C12orf42: variants seen among roughly 807,000 people sequenced by gnomAD.
C12orf42 encodes the protein uncharacterized protein C12orf42.
A neutral mutation model predicts 21.6 loss-of-function variants in C12orf42; 25 were observed. The ratio of observed to expected loss-of-function variants is 1.16; its 90% CI spans 0.84 to 1.62. The LOEUF is 1.62. Ranked by LOEUF, C12orf42 falls within the 40% of genes most tolerant of loss-of-function variation. C12orf42 has a pLI of 0.00. For missense variants in C12orf42, 483 were observed against 459.3 expected (o/e 1.05, Z -0.47); for synonymous variants, 174 against 175.0 (o/e 0.99, Z 0.05).
chr12:103,191,543 C>CAAAAAAAAAAA, the C12orf42 span, among the ~76,000 whole-genome samples: 17 of 58,106 alleles, frequency 2.9e-4, no homozygotes, highest in East Asian at 5.6e-4. Context: ...CTCCACTCTA[C>CAAAAAAAAAAA]AAAAAAAAAA....
At chr12:103,134,433 G>A in the C12orf42 span, among the ~76,000 whole-genome samples, 3 of 151,916 alleles carry the variant, frequency 2.0e-5, no homozygotes, top group Non-Finnish European at 4.4e-5. Flanking sequence ...GGAACCAAGA[G>A]TCATTCTAGA....
At chr12:103,282,519 A>G (rs2036201146) in intron 4 of C12orf42, among the ~76,000 whole-genome samples, 1 of 152,164 alleles carries the variant, frequency 6.6e-6, no homozygotes, top group Non-Finnish European at 1.5e-5. Context: ...GAGCAATAGG[A>G]TATATCATAT....
the C12orf42 span, among the ~76,000 whole-genome samples, chr12:103,090,728 A>G: frequency 1.6e-4 from 25 of 152,258 alleles, no homozygotes; most frequent in East Asian, 4.6e-3. Context: ...CTACATTTCA[A>G]CCGGGAGTTG....
At chr12:103,067,396 C>A in the C12orf42 span, among the ~76,000 whole-genome samples, 1 of 152,170 alleles carries the variant, frequency 6.6e-6, no homozygotes, top group South Asian at 2.1e-4. Context: ...TCCCCATCAT[C>A]CTGAAGCAGC....
intron 1 of C12orf42, among the ~76,000 whole-genome samples, chr12:103,495,009 T>C (rs1408072730): frequency 1.3e-5 from 2 of 151,838 alleles, no homozygotes; most frequent in Non-Finnish European, 2.9e-5. Flanking sequence ...ATAAATAATA[T>C]GTCTACACAC....
rs1949976133 is a variant in C12orf42 at position 103,427,974 on chromosome 12, A to G, written c.79-26299T>C. Among the ~76,000 whole-genome samples the G allele has an allele frequency of 2.6e-5, 4 of 152,372 alleles. No individual in the cohort carries two copies. The South Asian group carries it at 8.3e-4, about 32-fold the overall frequency. On this transcript the variant is annotated intron_variant, in intron 2 of 5. Transcript: ENST00000548883. ...AGAATCTCTGGGACACAGCTAAAGC[A>G]GTGTTTAGAGGGAAATTTATAGCAC... is the stretch of plus-strand genomic sequence containing the variant.
the C12orf42 span, among the ~76,000 whole-genome samples, chr12:103,526,443 G>T: frequency 6.6e-6 from 1 of 152,128 alleles, no homozygotes; most frequent in East Asian, 1.9e-4. Flanking sequence ...GTAACTCAAG[G>T]GTTTGGGGTA....
At chr12:103,191,543 C>CAAAAAAAA in the C12orf42 span, among the ~76,000 whole-genome samples, 34 of 58,110 alleles carry the variant, frequency 5.9e-4, no homozygotes, top group Non-Finnish European at 6.6e-4. Context: ...CTCCACTCTA[C>CAAAAAAAA]AAAAAAAAAA....
At chr12:103,160,727 A>C in the C12orf42 span, among the ~76,000 whole-genome samples, 1 of 152,322 alleles carries the variant, frequency 6.6e-6, no homozygotes, top group African/African-American at 2.4e-5. Flanking sequence ...TAGACTTCAC[A>C]GATGATTTCC....
the C12orf42 span, among the ~76,000 whole-genome samples, chr12:103,207,691 C>T: frequency 2.0e-5 from 3 of 152,280 alleles, no homozygotes; most frequent in African/African-American, 7.2e-5. Context: ...TTTCTTGCCC[C>T]GACACCTGAA....
Position 103,415,287 on chromosome 12 carries a change from T to C in C12orf42, c.79-13612A>G, listed in dbSNP as rs372157325. Among the ~76,000 whole-genome samples, 36 of 152,276 alleles carry C rather than the reference T, an allele frequency of 2.4e-4. 1 individual carries two copies. Among genetic ancestry groups the C allele is most frequent in the African/African-American group, 8.4e-4 (35 of 41,568 alleles). On this transcript the variant is annotated intron_variant, in intron 2 of 5. Coordinates refer to ENST00000548883, the MANE Select transcript of C12orf42 (RefSeq NM_198521.5). ...CCCAGATTCATTAAACAAGTTCTTC[T>C]TGGCCTAAGAAATGACTTAGAAAAC...
intron 10 of C12orf42, among the ~76,000 whole-genome samples, chr12:103,255,880 T>C (rs1207462235): frequency 8.0e-5 from 12 of 149,292 alleles, no homozygotes; most frequent in African/African-American, 2.5e-4. Flanking sequence ...TGAAACCCCG[T>C]CTCTACTAAA....
At chr12:103,335,417 TA>T (rs766924147) in intron 4 of C12orf42, among the ~76,000 whole-genome samples, 3 of 152,202 alleles carry the variant, frequency 2.0e-5, no homozygotes, top group Non-Finnish European at 4.4e-5. Context: ...GAAGCCTTAA[TA>T]GGCAGATAAT....
chr12:103,429,046 TGAAAA>T (rs1950066892), intron 2 of C12orf42, among the ~76,000 whole-genome samples: 1 of 152,190 alleles, frequency 6.6e-6, no homozygotes, highest in Admixed American at 6.5e-5. Context: ...GCATTCCCTC[TGAAAA>T]CTGGCACAAG....
the C12orf42 span, among the ~76,000 whole-genome samples, chr12:103,059,929 G>A: frequency 4.6e-5 from 7 of 152,160 alleles, no homozygotes; most frequent in Admixed American, 6.6e-5. Flanking sequence ...ACAAGACAAC[G>A]ATGCCGTCTC....
chr12:103,160,603 T>C, the C12orf42 span, among the ~76,000 whole-genome samples: 3 of 152,182 alleles, frequency 2.0e-5, no homozygotes, highest in African/African-American at 7.2e-5. Flanking sequence ...AATTGCAGGC[T>C]GTCTATATTT....
chr12:103,147,503 C>CTTTTTTTTTTTTTTTTTTT, the C12orf42 span, among the ~76,000 whole-genome samples: 20 of 99,950 alleles, frequency 2.0e-4, no homozygotes, highest in Non-Finnish European at 2.5e-4. Context: ...CTTTTTTTTT[C>CTTTTTTTTTTTTTTTTTTT]TTTTTTTTTT....
chr12:103,448,263 C>T (rs773244202), intron 2 of C12orf42, among the ~76,000 whole-genome samples: 2 of 152,024 alleles, frequency 1.3e-5, no homozygotes, highest in South Asian at 4.2e-4. Flanking sequence ...AAACTGGATC[C>T]CCACCTCTTA....
the C12orf42 span, among the ~76,000 whole-genome samples, chr12:103,063,187 A>G: frequency 6.6e-6 from 1 of 152,206 alleles, no homozygotes; most frequent in East Asian, 1.9e-4. Flanking sequence ...GAAAATGATG[A>G]ATTCAGAGAT....
Sources: gnomAD v4.1 joint callset for allele counts (sites outside exome capture counted in the v4.1 genomes callset) on GRCh38, gnomAD v4.1.1 for gene constraint, MANE v1.5 for transcripts, NCBI Gene and HGNC (gene_info 2026-07-23, HGNC 2026-07-21) for gene names.